The following TUSC3 variants were observed in gnomAD, a reference collection of about 807,000 sequenced individuals.
TUSC3 encodes dolichyl-diphosphooligosaccharide--protein glycosyltransferase subunit TUSC3.
Under a neutral mutation model 44.8 loss-of-function variants are expected in TUSC3, and 45 were observed. The observed-to-expected ratio is 1.00, with a 90% confidence interval of 0.79 to 1.29. The LOEUF is 1.29. Ranked by LOEUF, TUSC3 falls within the 50% of genes most tolerant of loss-of-function variation. The pLI, the probability that TUSC3 is intolerant of heterozygous loss-of-function variation, is 0.00. For missense variants in TUSC3, 519 were observed against 437.9 expected (o/e 1.19, Z -1.65); for synonymous variants, 212 against 152.9 (o/e 1.39, Z -2.85).
chr8:15,433,278 G>C (rs1442555238), intron 1 of TUSC3, among the ~76,000 whole-genome samples: 1 of 151,998 alleles, frequency 6.6e-6, no homozygotes, highest in Non-Finnish European at 1.5e-5. Context: ...GTGTAGACTG[G>C]AACATGGTCA....
At chr8:15,795,409 T>G in the TUSC3 span, among the ~76,000 whole-genome samples, 1 of 152,114 alleles carries the variant, frequency 6.6e-6, no homozygotes, top group Non-Finnish European at 1.5e-5. Context: ...AGGGACAAAT[T>G]TTGTATCACC....
chr8:15,613,920 C>A (rs1156668789), intron 1 of TUSC3, among the ~76,000 whole-genome samples: 16 of 151,872 alleles, frequency 1.1e-4, no homozygotes, highest in Admixed American at 1.1e-3. Context: ...TTGAATTAGG[C>A]CTTTGAGATC....
rs565818665 is a variant in TUSC3 at position 15,640,096 on chromosome 8, G to A, written c.309-10601G>A. Among the ~76,000 whole-genome samples, 4 of 152,228 alleles carry A rather than the reference G, an allele frequency of 2.6e-5. No individual in the cohort carries two copies. In the South Asian group the frequency reaches 8.3e-4, roughly 32 times the overall value. ...ACTTAGCTGAGAAGGGTGGTTCACTGTCCCTGAACTGTTTACAAACAATGT... is the reference window on the plus strand; with the variant it reads ...ACTTAGCTGAGAAGGGTGGTTCACTATCCCTGAACTGTTTACAAACAATGT... On this transcript the variant is annotated intron_variant, in intron 2 of 10. Transcript: ENST00000503731.
intron 1 of TUSC3, among the ~76,000 whole-genome samples, chr8:15,457,510 A>T (rs911684923): frequency 6.6e-6 from 1 of 151,318 alleles, no homozygotes; most frequent in Non-Finnish European, 1.5e-5. Context: ...AATAGTATGG[A>T]TTCACATTTA....
intron 2 of TUSC3, among the ~76,000 whole-genome samples, chr8:15,527,380 C>G (rs1449435618): frequency 6.6e-6 from 1 of 152,046 alleles, no homozygotes; most frequent in Non-Finnish European, 1.5e-5. Flanking sequence ...CCACACCCAG[C>G]TAATTTTTAT....
intron 2 of TUSC3, among the ~76,000 whole-genome samples, chr8:15,511,838 T>C (rs554770959): frequency 3.8e-4 from 57 of 151,396 alleles, no homozygotes; most frequent in African/African-American, 1.3e-3. Context: ...GCCACTGTAC[T>C]CCAGCCTGGG....
At position 15,707,812 on chromosome 8, in the gene TUSC3, A is replaced by G. The variant is rs181735657; in HGVS notation, c.799-22854A>G. On this transcript the variant is annotated intron_variant, in intron 6 of 10. Coordinates refer to ENST00000503731, the MANE Select transcript of TUSC3 (RefSeq NM_006765.4). ...TAAAACAACACAAATTTGTTCTCTC[A>G]CAGTTCAGGAGGCTGAAGTACAAAA... Among the ~76,000 whole-genome samples the G allele has an allele frequency of 1.7e-4, 26 of 152,012 alleles. No individual in the cohort carries two copies. In the East Asian group the frequency reaches 3.9e-3, roughly 23 times the overall value.
the TUSC3 span, among the ~76,000 whole-genome samples, chr8:15,772,728 T>G: frequency 6.6e-6 from 1 of 152,326 alleles, no homozygotes. Flanking sequence ...AATTATCTCT[T>G]ATGACAGTGC....
chr8:15,577,320 G>T (rs1803156113), intron 1 of TUSC3, among the ~76,000 whole-genome samples: 1 of 151,766 alleles, frequency 6.6e-6, no homozygotes, highest in Admixed American at 6.6e-5. Context: ...AGTTTAATGA[G>T]ATCCCATTTG....
At chr8:15,845,777 C>T in the TUSC3 span, among the ~76,000 whole-genome samples, 54 of 152,122 alleles carry the variant, frequency 3.5e-4, no homozygotes, top group African/African-American at 1.2e-3. Flanking sequence ...ACTATAGCTA[C>T]GTGTATGTTC....
At chr8:15,586,652 G>T (rs1272667576) in intron 1 of TUSC3, among the ~76,000 whole-genome samples, 2 of 152,130 alleles carry the variant, frequency 1.3e-5, no homozygotes, top group Non-Finnish European at 2.9e-5. Context: ...AATGCAACAT[G>T]GTTTTAATTT....
chr8:15,736,618 G>T (rs1188635254), intron 7 of TUSC3, among the ~76,000 whole-genome samples: 3 of 152,106 alleles, frequency 2.0e-5, no homozygotes, highest in African/African-American at 7.2e-5. Flanking sequence ...AAACAGACAT[G>T]TAATTACAAG....
chr8:15,427,985 T>A (rs1458375850), intron 1 of TUSC3, among the ~76,000 whole-genome samples: 1 of 151,960 alleles, frequency 6.6e-6, no homozygotes, highest in Non-Finnish European at 1.5e-5. Flanking sequence ...TTTATTATTA[T>A]ACTTTTAAGT....
intron 6 of TUSC3, among the ~76,000 whole-genome samples, chr8:15,676,068 T>C (rs1808176934): frequency 6.6e-6 from 1 of 152,248 alleles, no homozygotes; most frequent in African/African-American, 2.4e-5. Context: ...ATGTGTTCCG[T>C]TTTCTACACA....
chr8:15,793,900 T>TG, the TUSC3 span, among the ~76,000 whole-genome samples: 63 of 152,224 alleles, frequency 4.1e-4, 1 homozygote, highest in Middle Eastern at 3.4e-3. Flanking sequence ...ATCTCCATAA[T>TG]GGGGAAAGGC....
At chr8:15,663,427 CTTCCCATT>C (rs984950659) in intron 5 of TUSC3, among the ~76,000 whole-genome samples, 94 of 151,866 alleles carry the variant, frequency 6.2e-4, no homozygotes, top group African/African-American at 2.2e-3. Context: ...GCCCTTCATC[CTTCCCATT>C]TTATTTTTAC....
intron 1 of TUSC3, among the ~76,000 whole-genome samples, chr8:15,555,579 A>C (rs2129138102): frequency 6.6e-6 from 1 of 151,652 alleles, no homozygotes; most frequent in African/African-American, 2.4e-5. Flanking sequence ...ACAGTATTAC[A>C]GTCTTAAAAT....
At chr8:15,679,411 C>T (rs1425633634) in intron 6 of TUSC3, among the ~76,000 whole-genome samples, 3 of 151,960 alleles carry the variant, frequency 2.0e-5, no homozygotes, top group East Asian at 1.9e-4. Context: ...TCTTTTGACA[C>T]GTATCAGTTC....
intron 1 of TUSC3, among the ~76,000 whole-genome samples, chr8:15,617,546 C>T (rs1324765742): frequency 6.6e-6 from 1 of 152,122 alleles, no homozygotes; most frequent in Non-Finnish European, 1.5e-5. Context: ...GAGTTCTTCT[C>T]TGACAGTGAT....
Sources: gnomAD v4.1 joint callset for allele counts (sites outside exome capture counted in the v4.1 genomes callset) on GRCh38, gnomAD v4.1.1 for gene constraint, MANE v1.5 for transcripts, NCBI Gene and HGNC (gene_info 2026-07-23, HGNC 2026-07-21) for gene names.